Variants in SFMBT2 observed in about 807,000 individuals in gnomAD.
The protein encoded by SFMBT2 is Scm like with four mbt domains 2.
In SFMBT2, 38 loss-of-function variants were observed where a neutral mutation model predicts 110.1. The ratio of observed to expected loss-of-function variants is 0.35; its 90% confidence interval spans 0.27 to 0.45. The LOEUF is 0.45. Among genes scored for constraint, SFMBT2 ranks in the 20% least tolerant of loss-of-function variants. The pLI, the probability that SFMBT2 is intolerant of heterozygous loss-of-function variation, is 1.00. For missense variants in SFMBT2, 1,011 were observed against 1,094.9 expected (o/e 0.92, Z 1.08); for synonymous variants, 425 against 425.4 (o/e 1.00, Z 0.01).
intron 4 of SFMBT2, among the ~76,000 whole-genome samples, chr10:7,353,160 C>T (rs1208264109): frequency 6.6e-6 from 1 of 152,158 alleles, no homozygotes; most frequent in African/African-American, 2.4e-5. Context: ...ATATAAAATG[C>T]TTAATAACAA....
intron 4 of SFMBT2, among the ~76,000 whole-genome samples, chr10:7,358,678 T>G (rs2084104391): frequency 1.0e-5 from 1 of 98,816 alleles, no homozygotes; most frequent in African/African-American, 4.7e-5. Flanking sequence ...GAACATCTAC[T>G]TGGCCCTGGA....
At chr10:7,206,043 AAAAAAC>A (rs139523212) in intron 11 of SFMBT2, 115 bp from the exon 12 acceptor site, 229,351 of 1,411,742 alleles carry the variant, frequency 0.16, 19,929 homozygotes, top group Middle Eastern at 0.22. Flanking sequence ...TTTATACATT[AAAAAAC>A]AAAAACAAAA....
intron 4 of SFMBT2, among the ~76,000 whole-genome samples, chr10:7,324,629 C>T (rs989530942): frequency 2.0e-5 from 3 of 152,190 alleles, no homozygotes; most frequent in African/African-American, 7.2e-5. Context: ...CTAGAAGAAA[C>T]TTGTATTAGT....
intron 8 of SFMBT2, among the ~76,000 whole-genome samples, chr10:7,244,673 C>T (rs1247771756): frequency 6.6e-6 from 1 of 152,174 alleles, no homozygotes; most frequent in Non-Finnish European, 1.5e-5. Flanking sequence ...AAAAAAAGAT[C>T]CCTTTCCCAA....
intron 11 of SFMBT2, chr10:7,215,575 G>T: frequency 1.0e-6 from 1 of 985,418 alleles, no homozygotes; most frequent in South Asian, 4.7e-5. Flanking sequence ...CCAAGCACTG[G>T]AATCCCTCCC....
chr10:7,205,573 AT>A (rs1394474213), intron 12 of SFMBT2: 2 of 985,212 alleles, frequency 2.0e-6, no homozygotes, highest in African/African-American at 3.5e-5. Flanking sequence ...GATTTCAGAT[AT>A]TTTTCCTCTG....
chr10:7,388,229 G>GT (rs79691695), intron 1 of SFMBT2, among the ~76,000 whole-genome samples: 295 of 142,534 alleles, frequency 2.1e-3, no homozygotes, highest in Middle Eastern at 7.3e-3. Flanking sequence ...AGCCAATGGA[G>GT]TTTTTTTTTT....
chr10:7,350,625 G>A (rs925302200), intron 4 of SFMBT2, among the ~76,000 whole-genome samples: 1 of 152,148 alleles, frequency 6.6e-6, no homozygotes, highest in African/African-American at 2.4e-5. Context: ...TTGGTTTACG[G>A]CATTCCCACT....
At chr10:7,192,017 T>C (rs2692800) in intron 15 of SFMBT2, among the ~76,000 whole-genome samples, 88,467 of 151,844 alleles carry the variant, frequency 0.58, 26,470 homozygotes, top group Non-Finnish European at 0.63. Context: ...GTCTTCTCTA[T>C]GAGAAAATAA....
intron 17 of SFMBT2, 85 bp downstream of exon 17, chr10:7,175,905 A>T (rs1256450756): frequency 1.5e-6 from 2 of 1,290,744 alleles, no homozygotes; most frequent in Admixed American, 4.5e-5. Flanking sequence ...AAAAGAAAAA[A>T]GCAAATGAAA....
intron 4 of SFMBT2, among the ~76,000 whole-genome samples, chr10:7,315,038 GAGAAAGAAAGAAAGAAAGAA>G (rs545155500): frequency 0.015 from 1,197 of 82,230 alleles, 15 homozygotes; most frequent in Middle Eastern, 0.026. Context: ...AAGAAAGAAA[GAGAAAGAAAGAAAGAAAGAA>G]AGAAAGAAAG....
At chr10:7,290,200 T>G (rs1842221772) in intron 4 of SFMBT2, among the ~76,000 whole-genome samples, 1 of 151,708 alleles carries the variant, frequency 6.6e-6, no homozygotes, top group Non-Finnish European at 1.5e-5. Context: ...TACACACAAC[T>G]TGGTAATCAT....
chr10:7,402,491 C>G (rs11255115), intron 1 of SFMBT2, among the ~76,000 whole-genome samples: 3,907 of 152,302 alleles, frequency 0.026, 90 homozygotes, highest in Non-Finnish European at 0.038. Flanking sequence ...TTTACTCCAA[C>G]CATCAAACTA....
chr10:7,379,386 T>C (rs1845361439), intron 2 of SFMBT2, among the ~76,000 whole-genome samples: 1 of 151,938 alleles, frequency 6.6e-6, no homozygotes, highest in Non-Finnish European at 1.5e-5. Flanking sequence ...AAACTACTTG[T>C]AGAATCATAC....
intron 8 of SFMBT2, among the ~76,000 whole-genome samples, chr10:7,244,457 T>A (rs1840542143): frequency 6.6e-6 from 1 of 152,222 alleles, no homozygotes; most frequent in Non-Finnish European, 1.5e-5. Flanking sequence ...GAGAGTGATG[T>A]CTTTTTGTTA....
At chr10:7,246,819 G>A (rs904582761) in intron 8 of SFMBT2, among the ~76,000 whole-genome samples, 3 of 151,688 alleles carry the variant, frequency 2.0e-5, no homozygotes, top group Admixed American at 6.6e-5. Flanking sequence ...CAGGTGAAGC[G>A]ACTCTGTAGC....
chr10:7,382,951 C>T (rs966759347), intron 1 of SFMBT2, among the ~76,000 whole-genome samples: 6 of 152,218 alleles, frequency 3.9e-5, no homozygotes, highest in African/African-American at 9.7e-5. Context: ...CGTTAACCAT[C>T]GAGCAGCCAT....
At chr10:7,213,279 C>G (rs1839414140) in intron 11 of SFMBT2, among the ~76,000 whole-genome samples, 1 of 151,980 alleles carries the variant, frequency 6.6e-6, no homozygotes, top group South Asian at 2.1e-4. Context: ...AAACACAGAC[C>G]TACTGTGTAT....
intron 4 of SFMBT2, among the ~76,000 whole-genome samples, chr10:7,360,368 G>T (rs1320765860): frequency 1.3e-5 from 2 of 152,212 alleles, no homozygotes; most frequent in African/African-American, 4.8e-5. Context: ...TCATGAGGCT[G>T]AGGTAGAAGG....
Sources: allele counts gnomAD v4.1 joint callset (sites outside exome capture counted in the v4.1 genomes callset), GRCh38; gene constraint gnomAD v4.1.1; transcripts MANE v1.5; gene names NCBI Gene and HGNC (gene_info 2026-07-23, HGNC 2026-07-21).